The following CCDC7 variants were observed in gnomAD, a reference collection of about 807,000 sequenced individuals.
The protein encoded by CCDC7 is coiled-coil domain-containing protein 7.
Under a neutral mutation model 196.9 loss-of-function variants are expected in CCDC7, and 183 were observed. That is an observed-to-expected ratio of 0.93 (90% confidence interval 0.82 to 1.05). The LOEUF (loss-of-function observed/expected upper bound fraction) is 1.05. Ranked by LOEUF, CCDC7 falls within the 50% of genes least tolerant of loss-of-function variation. The pLI is 0.00. For synonymous variants in CCDC7, 525 were observed against 484.6 expected (o/e 1.08, Z -1.10); for missense variants, 1,540 against 1,482.2 (o/e 1.04, Z -0.64).
At chr10:32,584,752 C>CAAAAAA (rs749922864) in intron 18 of CCDC7, among the ~76,000 whole-genome samples, 14 of 56,324 alleles carry the variant, frequency 2.5e-4, no homozygotes, top group Admixed American at 4.9e-4. Context: ...CACTTCATCT[C>CAAAAAA]AAAAAAAAAA....
At chr10:32,822,923 A>G (rs185430327) in intron 31 of CCDC7, among the ~76,000 whole-genome samples, 2 of 152,294 alleles carry the variant, frequency 1.3e-5, no homozygotes, top group East Asian at 3.9e-4. Context: ...TTGTATTCGT[A>G]GTGTTTAACT....
intron 28 of CCDC7, among the ~76,000 whole-genome samples, chr10:32,739,024 A>C (rs759083764): frequency 1.3e-5 from 2 of 151,994 alleles, no homozygotes; most frequent in Non-Finnish European, 2.9e-5. Flanking sequence ...TATTTTAAAT[A>C]TTTTAAGTTT....
At chr10:32,472,941 CTT>C (rs1448821932) in intron 7 of CCDC7, among the ~76,000 whole-genome samples, 1 of 152,068 alleles carries the variant, frequency 6.6e-6, no homozygotes. Context: ...CATTTTGAGA[CTT>C]AAAGTTAAAA....
intron 38 of CCDC7, 147 bp downstream of exon 39, chr10:32,848,063 G>A (rs1047448698): frequency 3.0e-5 from 15 of 492,412 alleles, no homozygotes; most frequent in Non-Finnish European, 4.2e-5. Flanking sequence ...TTAAACTCTC[G>A]TATTATCAAT....
intron 29 of CCDC7, among the ~76,000 whole-genome samples, chr10:32,797,188 TATAC>T (rs1408572467): frequency 1.3e-5 from 2 of 150,056 alleles, no homozygotes; most frequent in Non-Finnish European, 3.0e-5. Context: ...TGTGTATATA[TATAC>T]GTATATATAT....
intron 29 of CCDC7, among the ~76,000 whole-genome samples, chr10:32,803,304 T>G (rs943974623): frequency 6.6e-6 from 1 of 152,230 alleles, no homozygotes; most frequent in Non-Finnish European, 1.5e-5. Context: ...TTGTTGATTT[T>G]CTGTCTAGAT....
chr10:32,521,505 G>A (rs112488618), intron 11 of CCDC7, among the ~76,000 whole-genome samples: 24 of 150,654 alleles, frequency 1.6e-4, no homozygotes, highest in African/African-American at 5.8e-4. Flanking sequence ...TTCACTGTTG[G>A]TATATAGAAA....
chr10:32,462,856 A>G (rs2036015284), intron 4 of CCDC7, 153 bp downstream of exon 5: 1 of 1,286,488 alleles, frequency 7.8e-7, no homozygotes. Context: ...TGTATAGTGC[A>G]TTAGCCCCAT....
Position 32,851,942 on chromosome 10 carries a change from AAT to A in CCDC7, c.4021+13_4021+14del, listed in dbSNP as rs1161470208. On this transcript the variant is annotated intron_variant, in intron 40 of 41. Coordinates refer to ENST00000639629, the Ensembl canonical transcript of CCDC7. ...AATCAACTCCCTTCAGGTAATTTTT[AAT>A]ATTTTTAGTGTACAGTGTGATTTTT... is the stretch of plus-strand genomic sequence containing the variant. 18 of 1,584,146 alleles carry A rather than the reference AAT, an allele frequency of 1.1e-5. No individual in the cohort carries two copies. Among genetic ancestry groups the A allele is most frequent in the African/African-American group, 2.7e-5 (2 of 72,964 alleles).
At chr10:32,862,667 G>T (rs1048483844) in intron 41 of CCDC7, among the ~76,000 whole-genome samples, 5 of 151,946 alleles carry the variant, frequency 3.3e-5, no homozygotes, top group African/African-American at 1.2e-4. Flanking sequence ...AGTTCTATTT[G>T]TTCAACACAG....
chr10:32,604,579 TG>T (rs2061385604), intron 18 of CCDC7, among the ~76,000 whole-genome samples: 1 of 152,184 alleles, frequency 6.6e-6, no homozygotes, highest in Non-Finnish European at 1.5e-5. Context: ...TTTAAGTTTT[TG>T]TATTCTCTTC....
Position 32,640,887 on chromosome 10 carries a change from T to A in CCDC7, c.2014+5729T>A, listed in dbSNP as rs1197103843. Among the ~76,000 whole-genome samples, 146 of 137,520 alleles carry A rather than the reference T, an allele frequency of 1.1e-3. 1 individual carries two copies. Among genetic ancestry groups the A allele is most frequent in the Admixed American group, 1.9e-3 (25 of 13,150 alleles). 90.2% of individuals were successfully genotyped at this position (137,520 alleles called of 152,430 possible). A position where few individuals can be genotyped will look rare whatever the true frequency, so the allele number is the denominator to read the frequency against. On this transcript the variant is annotated intron_variant, in intron 20 of 41. Transcript: ENST00000639629. ...TTCTTTTTTTTTTTCTTTTTTTTTT[T>A]ATTATACTCTAAGTTTTAGGGTACA...
At chr10:32,729,417 T>A (rs2083582515) in exon 28 of CCDC7, 1 of 1,443,618 alleles carries the variant, frequency 6.9e-7, no homozygotes, top group Non-Finnish European at 9.6e-7. Context: ...GAAGCGAATC[T>A]CAAACGAAGA....
chr10:32,641,322 C>G (rs988942834), intron 20 of CCDC7, among the ~76,000 whole-genome samples: 12 of 152,164 alleles, frequency 7.9e-5, no homozygotes, highest in Admixed American at 4.6e-4. Context: ...TTCACATAGT[C>G]CCATATTTCT....
intron 3 of CCDC7, among the ~76,000 whole-genome samples, chr10:32,461,777 AT>A (rs199887865): frequency 0.16 from 18,906 of 119,268 alleles, 1,762 homozygotes; most frequent in African/African-American, 0.27. Context: ...ACATATGTAC[AT>A]TTTTTTTTTT....
At chr10:32,471,257 A>G (rs1564374905) in intron 6 of CCDC7, 27 bp downstream of exon 7, 6 of 1,598,116 alleles carry the variant, frequency 3.8e-6, no homozygotes, top group Non-Finnish European at 5.1e-6. Context: ...AACTAATTGA[A>G]TTAAAAACAG....
intron 41 of CCDC7, among the ~76,000 whole-genome samples, chr10:32,874,076 G>A (rs908318181): frequency 1.3e-5 from 2 of 150,872 alleles, no homozygotes; most frequent in African/African-American, 4.9e-5. Flanking sequence ...CAAGCATTTT[G>A]TATAACATAA....
intron 3 of CCDC7, among the ~76,000 whole-genome samples, chr10:32,459,107 A>C (rs1360730889): frequency 6.6e-6 from 1 of 152,138 alleles, no homozygotes; most frequent in Non-Finnish European, 1.5e-5. Flanking sequence ...GTATATAAAC[A>C]TGCCACTGAT....
At chr10:32,809,673 A>T (rs947974661) in intron 30 of CCDC7, among the ~76,000 whole-genome samples, 21 of 152,210 alleles carry the variant, frequency 1.4e-4, no homozygotes, top group Non-Finnish European at 1.6e-4. Flanking sequence ...CAAAACCACA[A>T]TGAGATACCA....
Sources: allele counts gnomAD v4.1 joint callset (sites outside exome capture counted in the v4.1 genomes callset), GRCh38; gene constraint gnomAD v4.1.1; transcripts MANE v1.5; gene names NCBI Gene and HGNC (gene_info 2026-07-23, HGNC 2026-07-21).